PDE8B: variants seen among roughly 807,000 people sequenced by gnomAD.
PDE8B encodes the protein high affinity cAMP-specific and IBMX-insensitive 3',5'-cyclic phosphodiesterase 8B.
A neutral mutation model predicts 101.3 loss-of-function variants in PDE8B; 26 were observed. The observed-to-expected ratio is 0.26, with a 90% CI of 0.19 to 0.36. The LOEUF (loss-of-function observed/expected upper bound fraction) is 0.36. Among genes scored for constraint, PDE8B ranks in the 10% least tolerant of loss-of-function variants. PDE8B has a pLI of 1.00. For synonymous variants in PDE8B, 424 were observed against 429.3 expected (o/e 0.99, Z 0.15); for missense variants, 810 against 1,163.1 (o/e 0.70, Z 4.42).
rs70988668 is a variant in PDE8B, at chr5:77,375,889, CT to C, written c.1167+22503del. ...TAATACTCACTTTGTGCCTTGATTT[CT>C]TTTTTTTTTTTTTTTTTTTGAGGCG... On this transcript the variant is annotated intron_variant, in intron 10 of 21. Transcript: ENST00000264917. 5.7e-3 allele frequency among the ~76,000 whole-genome samples: 615 copies of C among 108,282 alleles called. 2 individuals are homozygous for C. Among genetic ancestry groups the C allele is most frequent in the African/African-American group, 0.02 (541 of 26,884 alleles). The allele number at this position is 108,282 out of a possible 152,430, so 71.0% of individuals were successfully genotyped here. A position where few individuals can be genotyped will look rare whatever the true frequency, so the allele number is the denominator to read the frequency against.
At chr5:77,293,525 A>T (rs1410857205) in intron 1 of PDE8B, among the ~76,000 whole-genome samples, 1 of 152,180 alleles carries the variant, frequency 6.6e-6, no homozygotes, top group Non-Finnish European at 1.5e-5. Context: ...AGATAGTCTG[A>T]GTGTGCGATA....
intron 10 of PDE8B, among the ~76,000 whole-genome samples, chr5:77,374,757 A>G (rs1032602596): frequency 8.5e-5 from 13 of 152,246 alleles, no homozygotes; most frequent in Non-Finnish European, 1.8e-4. Context: ...AATTTAATCT[A>G]CTATGTACCC....
intron 1 of PDE8B, among the ~76,000 whole-genome samples, chr5:77,234,080 A>C (rs1014881243): frequency 5.9e-5 from 9 of 152,128 alleles, no homozygotes; most frequent in Admixed American, 5.2e-4. Context: ...GCAGTTTCAG[A>C]CCAGGAGGAT....
chr5:77,203,371 G>A, the PDE8B span, among the ~76,000 whole-genome samples: 3 of 152,126 alleles, frequency 2.0e-5, no homozygotes, highest in South Asian at 6.2e-4. Flanking sequence ...AAATGTTAAC[G>A]CAATTCTCTT....
the PDE8B span, chr5:77,114,146 C>A: frequency 6.6e-6 from 1 of 152,170 alleles, no homozygotes; most frequent in Non-Finnish European, 1.5e-5. Flanking sequence ...TTTGACCCAG[C>A]AATTCCATTA....
At position 77,366,012 on chromosome 5, in the gene PDE8B, C is replaced by A. The variant is rs566538664; in HGVS notation, c.1167+12606C>A. On this transcript the variant is annotated intron_variant, in intron 10 of 21. Coordinates refer to ENST00000264917, the MANE Select transcript of PDE8B (RefSeq NM_003719.5). Reference sequence around the variant, plus strand: ...GGGACAAATACAACAAAAATTCATTCCACAGTCTACACCCCAAGCCCCATT... The same window carrying A: ...GGGACAAATACAACAAAAATTCATTACACAGTCTACACCCCAAGCCCCATT... 3.9e-5 allele frequency among the ~76,000 whole-genome samples: 6 copies of A among 152,320 alleles called. No homozygotes were observed. The South Asian group carries it at 1.2e-3, about 32-fold the overall frequency.
At chr5:77,117,980 G>T in the PDE8B span, among the ~76,000 whole-genome samples, 4 of 152,060 alleles carry the variant, frequency 2.6e-5, no homozygotes, top group Admixed American at 2.6e-4. Context: ...TGTCCCTTAG[G>T]CTGGAGTGCA....
chr5:77,167,421 T>A, the PDE8B span, among the ~76,000 whole-genome samples: 6 of 152,188 alleles, frequency 3.9e-5, no homozygotes, highest in Non-Finnish European at 7.4e-5. Context: ...TTGGGGAGTG[T>A]TTGCATTACA....
the PDE8B span, among the ~76,000 whole-genome samples, chr5:77,164,738 G>A: frequency 5.3e-5 from 8 of 152,210 alleles, no homozygotes; most frequent in African/African-American, 1.9e-4. Flanking sequence ...GTCTATGGAA[G>A]CATTTGTATA....
chr5:77,200,056 G>T, the PDE8B span, among the ~76,000 whole-genome samples: 1 of 100,732 alleles, frequency 9.9e-6, no homozygotes, highest in Non-Finnish European at 2.1e-5. Context: ...AGAAAAGCAA[G>T]TACTGTACTG....
intron 1 of PDE8B, among the ~76,000 whole-genome samples, chr5:77,272,402 C>A (rs998749598): frequency 2.0e-5 from 3 of 152,194 alleles, no homozygotes; most frequent in Admixed American, 2.0e-4. Context: ...GCTGGCTGAT[C>A]TGTTATCAAA....
intron 10 of PDE8B, among the ~76,000 whole-genome samples, chr5:77,359,778 G>C (rs1005792859): frequency 6.6e-6 from 1 of 152,054 alleles, no homozygotes; most frequent in Non-Finnish European, 1.5e-5. Flanking sequence ...CCTAAACATA[G>C]AGAAAAAATA....
chr5:77,374,739 T>C (rs1785722894), intron 10 of PDE8B, among the ~76,000 whole-genome samples: 1 of 152,214 alleles, frequency 6.6e-6, no homozygotes, highest in Non-Finnish European at 1.5e-5. Flanking sequence ...TTAAAGAAAT[T>C]AAGAGAAAAT....
At chr5:77,365,181 C>T (rs906100368) in intron 10 of PDE8B, among the ~76,000 whole-genome samples, 1 of 152,144 alleles carries the variant, frequency 6.6e-6, no homozygotes, top group Non-Finnish European at 1.5e-5. Flanking sequence ...ACATTGGAAT[C>T]ACCTGGAGAA....
the PDE8B span, among the ~76,000 whole-genome samples, chr5:77,108,688 A>G: frequency 6.6e-6 from 1 of 152,228 alleles, no homozygotes; most frequent in Non-Finnish European, 1.5e-5. Context: ...GTCTCAAAAT[A>G]TACATATATA....
At chr5:77,120,305 A>C in the PDE8B span, among the ~76,000 whole-genome samples, 2 of 152,194 alleles carry the variant, frequency 1.3e-5, no homozygotes, top group Non-Finnish European at 2.9e-5. Flanking sequence ...GCATGAGGGA[A>C]TGTTCCTCTA....
intron 6 of PDE8B, among the ~76,000 whole-genome samples, chr5:77,337,581 T>C (rs1778430369): frequency 6.6e-6 from 1 of 152,202 alleles, no homozygotes. Flanking sequence ...ATGCTTAATT[T>C]TTGCACAATT....
chr5:77,144,217 T>G, the PDE8B span: 3 of 152,314 alleles, frequency 2.0e-5, no homozygotes, highest in Non-Finnish European at 2.9e-5. Flanking sequence ...TCAGGATGTC[T>G]CCAGGGGCTG....
rs146583808 is a variant in PDE8B at position 77,268,142 on chromosome 5, C to T, written c.340-43852C>T. Among the ~76,000 whole-genome samples the T allele has an allele frequency of 7.5e-4, 114 of 152,062 alleles. 1 individual carries two copies. Among genetic ancestry groups the T allele is most frequent in the Admixed American group, 1.3e-3 (20 of 15,278 alleles). On this transcript the variant is annotated intron_variant, in intron 1 of 21. Coordinates refer to ENST00000264917, the MANE Select transcript of PDE8B (RefSeq NM_003719.5). Reference sequence around the variant, plus strand: ...TGACTACCACTGACCACTAAAATAGCTTCATTTGTTTTTGTATTCTCAGTG... The same window carrying T: ...TGACTACCACTGACCACTAAAATAGTTTCATTTGTTTTTGTATTCTCAGTG...
Sources: allele counts gnomAD v4.1 joint callset (sites outside exome capture counted in the v4.1 genomes callset), GRCh38; gene constraint gnomAD v4.1.1; transcripts MANE v1.5; gene names NCBI Gene and HGNC (gene_info 2026-07-23, HGNC 2026-07-21).